The following RSRC1 variants were observed in gnomAD, a reference collection of about 807,000 sequenced individuals.
RSRC1 encodes the protein serine/Arginine-related protein 53.
RSRC1 carries 39 observed loss-of-function variants against 49.1 expected under a neutral mutation model. The observed-to-expected ratio is 0.79, with a 90% CI of 0.61 to 1.04. RSRC1 has a LOEUF of 1.04. Among genes scored for constraint, RSRC1 ranks in the 50% least tolerant of loss-of-function variants. The probability of loss-of-function intolerance (pLI) is 0.00; values close to 1 mark genes in which losing one functional copy is unlikely to be tolerated. For missense variants in RSRC1, 388 were observed against 402.4 expected (o/e 0.96, Z 0.31); for synonymous variants, 143 against 130.8 (o/e 1.09, Z -0.63).
chr3:158,311,268 C>T (rs1578320918), intron 5 of RSRC1, among the ~76,000 whole-genome samples: 1 of 151,780 alleles, frequency 6.6e-6, no homozygotes, highest in East Asian at 1.9e-4. Flanking sequence ...GTTTGTACTG[C>T]TTATATAGTC....
At chr3:158,160,572 G>C (rs1355163570) in intron 3 of RSRC1, among the ~76,000 whole-genome samples, 1 of 152,096 alleles carries the variant, frequency 6.6e-6, no homozygotes, top group Admixed American at 6.6e-5. Flanking sequence ...AAGGAGAAAA[G>C]TGATTAGTAA....
intron 6 of RSRC1, among the ~76,000 whole-genome samples, chr3:158,407,279 A>G (rs2108316369): frequency 6.6e-6 from 1 of 152,338 alleles, no homozygotes; most frequent in East Asian, 1.9e-4. Context: ...CTAAAAAATG[A>G]CTAATCTGAG....
intron 4 of RSRC1, among the ~76,000 whole-genome samples, chr3:158,258,903 T>C (rs1451895318): frequency 6.6e-6 from 1 of 152,150 alleles, no homozygotes; most frequent in Non-Finnish European, 1.5e-5. Context: ...TTCTTTTAAA[T>C]TATTGCAGTC....
chr3:158,165,015 C>A (rs1230627732), intron 3 of RSRC1, among the ~76,000 whole-genome samples: 1 of 151,954 alleles, frequency 6.6e-6, no homozygotes, highest in Non-Finnish European at 1.5e-5. Flanking sequence ...TTTTAAATGC[C>A]AATTAGGAGG....
intron 7 of RSRC1, among the ~76,000 whole-genome samples, chr3:158,477,316 A>G (rs1044007751): frequency 1.1e-4 from 17 of 152,158 alleles, no homozygotes; most frequent in Non-Finnish European, 2.2e-4. Flanking sequence ...GCTATCCAAC[A>G]GCATCACATG....
intron 4 of RSRC1, among the ~76,000 whole-genome samples, chr3:158,231,244 T>C (rs1454918499): frequency 7.1e-6 from 1 of 140,674 alleles, no homozygotes; most frequent in East Asian, 2.4e-4. Context: ...CAAGCCATCC[T>C]TCCGCCTCAG....
rs980565855 is a variant in RSRC1 at position 158,124,095 on chromosome 3, A to G, written c.320+104A>G. ...TCTTATAATTATATAATTTTGATTG[A>G]GCTTAGCTGGCACTTATTTTTTTCT... On this transcript the variant is annotated intron_variant, in intron 3 of 9. Coordinates refer to ENST00000611884, the MANE Select transcript of RSRC1 (RefSeq NM_001271838.2). 26 of 843,066 alleles carry G rather than the reference A, an allele frequency of 3.1e-5. No homozygotes were observed. The African/African-American group carries it at 3.3e-4, about 11-fold the overall frequency. 52.2% of individuals were successfully genotyped at this position (843,066 alleles called of 1,614,324 possible).
chr3:158,353,084 C>T (rs954553128), intron 5 of RSRC1, among the ~76,000 whole-genome samples: 1 of 152,144 alleles, frequency 6.6e-6, no homozygotes, highest in Non-Finnish European at 1.5e-5. Context: ...TCTCTAATAA[C>T]CAATCAGTCC....
intron 6 of RSRC1, among the ~76,000 whole-genome samples, chr3:158,415,331 G>A (rs1734685822): frequency 6.6e-6 from 1 of 151,950 alleles, no homozygotes. Flanking sequence ...ATTCTACTCT[G>A]CATTTGAAAA....
In RSRC1 at chr3:158,481,821, CCT is replaced by C. The variant is rs371410882; in HGVS notation, c.652+20821_652+20822del. On this transcript the variant is annotated intron_variant, in intron 7 of 9. Coordinates refer to ENST00000611884, the MANE Select transcript of RSRC1 (RefSeq NM_001271838.2). ...ATTCCATTTTCTATTTGGATGAACT[CCT>C]CTGCTTTTTGTCATTTAAATGATAA... 1.1e-3 allele frequency among the ~76,000 whole-genome samples: 169 copies of C among 152,100 alleles called. 1 individual carries two copies. The highest frequency in any genetic ancestry group is 3.8e-3 in the African/African-American group (159 of 41,538).
chr3:158,375,791 T>G (rs1260651858), intron 6 of RSRC1, among the ~76,000 whole-genome samples: 1 of 152,212 alleles, frequency 6.6e-6, no homozygotes, highest in East Asian at 1.9e-4. Context: ...GAAAATAATT[T>G]TATGGCATTT....
intron 5 of RSRC1, among the ~76,000 whole-genome samples, chr3:158,325,405 A>G (rs967762554): frequency 2.0e-5 from 3 of 152,156 alleles, no homozygotes; most frequent in Admixed American, 2.0e-4. Flanking sequence ...TAATTTTTGT[A>G]TATGGTGTAA....
In RSRC1 at chr3:158,477,826, A is replaced by ATATG. The variant is rs1491151938; in HGVS notation, c.652+16824_652+16825insATGT. Among the ~76,000 whole-genome samples the ATATG allele has an allele frequency of 8.2e-5, 11 of 134,604 alleles. 1 individual carries two copies. The highest frequency in any genetic ancestry group is 3.0e-4 in the African/African-American group (11 of 36,448). The allele number at this position is 134,604 out of a possible 152,430, so 88.3% of individuals were successfully genotyped here. A position where few individuals can be genotyped will look rare whatever the true frequency, so the allele number is the denominator to read the frequency against. On this transcript the variant is annotated intron_variant, in intron 7 of 9. Transcript: ENST00000611884. ...TATATATATATATATATATATATAT[A>ATATG]TGAAAGCCCTATGATAATATAACCT...
chr3:158,348,056 A>G (rs1730657209), intron 5 of RSRC1, among the ~76,000 whole-genome samples: 1 of 152,068 alleles, frequency 6.6e-6, no homozygotes, highest in African/African-American at 2.4e-5. Context: ...TTGTTACCCT[A>G]TCTTAATTTC....
chr3:158,276,081 T>C, intron 4 of RSRC1: 1 of 879,972 alleles, frequency 1.1e-6, no homozygotes, highest in Non-Finnish European at 1.9e-6. Context: ...AATTCAGGAC[T>C]CTTAGAGCCC....
At chr3:158,247,772 C>A (rs1723988128) in intron 4 of RSRC1, among the ~76,000 whole-genome samples, 4 of 152,094 alleles carry the variant, frequency 2.6e-5, no homozygotes, top group Admixed American at 6.6e-5. Flanking sequence ...TCCTCTAGAC[C>A]CTCCATCCTA....
intron 3 of RSRC1, among the ~76,000 whole-genome samples, chr3:158,137,525 C>G (rs1716453744): frequency 6.6e-6 from 1 of 151,758 alleles, no homozygotes; most frequent in African/African-American, 2.4e-5. Context: ...TTGTTTAGAT[C>G]TAAAAGGAAT....
intron 4 of RSRC1, among the ~76,000 whole-genome samples, chr3:158,252,262 C>T (rs550142455): frequency 9.9e-5 from 15 of 151,776 alleles, no homozygotes; most frequent in South Asian, 6.2e-4. Flanking sequence ...CCCGGGTTCA[C>T]GCCATTCTCC....
At chr3:158,292,944 T>A (rs536447206) in intron 4 of RSRC1, among the ~76,000 whole-genome samples, 1 of 152,332 alleles carries the variant, frequency 6.6e-6, no homozygotes, top group South Asian at 2.1e-4. Flanking sequence ...TGTTTAAATT[T>A]GAGTGTAGGC....
Sources: allele counts gnomAD v4.1 joint callset (sites outside exome capture counted in the v4.1 genomes callset), GRCh38; gene constraint gnomAD v4.1.1; transcripts MANE v1.5; gene names NCBI Gene and HGNC (gene_info 2026-07-23, HGNC 2026-07-21).